Variants in F7 observed in about 807,000 individuals in gnomAD.
The protein encoded by F7 is FVII coagulation protein.
Under a neutral mutation model 47.5 loss-of-function variants are expected in F7, and 38 were observed. That is an observed-to-expected ratio of 0.80 (90% confidence interval 0.62 to 1.05). The LOEUF (loss-of-function observed/expected upper bound fraction) is 1.05. Ranked by LOEUF, F7 falls within the 50% of genes least tolerant of loss-of-function variation. The pLI, the probability that F7 is intolerant of heterozygous loss-of-function variation, is 0.00. For missense variants in F7, 575 were observed against 605.4 expected, an observed-to-expected ratio of 0.95 and a Z score of 0.53; for synonymous variants, 244 against 258.5, an observed-to-expected ratio of 0.94 and a Z score of 0.54.
At position 113,119,335 on chromosome 13, in the gene F7, C is replaced by T. The variant is rs2036259742; in HGVS notation, c.*327C>T. ...GGGAGTGCCAAGGTTGTCCTGGAGGCAGACAGCCCAGCTGAGCCTCCTTAC... is the reference window on the plus strand; with the variant it reads ...GGGAGTGCCAAGGTTGTCCTGGAGGTAGACAGCCCAGCTGAGCCTCCTTAC... On this transcript the variant is annotated 3_prime_UTR_variant, in exon 8 of 8. Coordinates refer to ENST00000346342, the MANE Select transcript of F7 (RefSeq NM_019616.4). The T allele has an allele frequency of 5.4e-6, 2 of 370,456 alleles. No individual in the cohort carries two copies. The highest frequency in any genetic ancestry group is 9.9e-6 in the Non-Finnish European group (2 of 201,722). 22.9% of individuals were successfully genotyped at this position (370,456 alleles called of 1,614,324 possible).
chr13:113,115,908 C>G, intron 5 of F7, 108 bp downstream of exon 5: 1 of 1,477,670 alleles, frequency 6.8e-7, no homozygotes, highest in Non-Finnish European at 9.3e-7. Context: ...CTACTGAGCA[C>G]TAACTATGCA....
At chr13:113,117,106 G>A (rs934770964) in intron 6 of F7, 21 of 637,004 alleles carry the variant, frequency 3.3e-5, no homozygotes, top group Admixed American at 1.5e-4. Context: ...AGAACCCTGC[G>A]AGATGCCCCA....
At position 113,106,779 on chromosome 13, in the gene F7, G is replaced by A. The variant is rs1250573134; in HGVS notation, c.64+874G>A. 3.4e-6 allele frequency: 5 copies of A among 1,492,096 alleles called. No individual in the cohort carries two copies. The African/African-American group carries it at 5.6e-5, about 17-fold the overall frequency. 92.4% of individuals were successfully genotyped at this position (1,492,096 alleles called of 1,614,324 possible). A position where few individuals can be genotyped will look rare whatever the true frequency, so the allele number is the denominator to read the frequency against. On this transcript the variant is annotated intron_variant, in intron 1 of 7. Coordinates refer to ENST00000346342, the MANE Select transcript of F7 (RefSeq NM_019616.4). ...GGGTGGGCTGTGAGGGACAGTGCCT[G>A]GGATGTGGGGCTGCAGCCCTAGCTC...
chr13:113,117,613 C>T lies in F7; in HGVS notation c.739+17C>T, dbSNP rs373671655. On this transcript the variant is annotated intron_variant, in intron 7 of 7. Transcript: ENST00000346342. Reference sequence around the variant, plus strand: ...CGGTGCTGGGTGGGTACCACTCTCCCCTGTCCGACCGCGGTGCTGGGTGGG... The same window carrying T: ...CGGTGCTGGGTGGGTACCACTCTCCTCTGTCCGACCGCGGTGCTGGGTGGG... 2 of 1,510,292 alleles carry T rather than the reference C, an allele frequency of 1.3e-6. No homozygotes were observed. The highest frequency in any genetic ancestry group is 1.8e-6 in the Non-Finnish European group (2 of 1,124,908). The allele number at this position is 1,510,292 out of a possible 1,614,324, so 93.6% of individuals were successfully genotyped here.
intron 1 of F7, among the ~76,000 whole-genome samples, chr13:113,109,449 G>C (rs2036046614): frequency 6.6e-6 from 1 of 152,160 alleles, no homozygotes; most frequent in South Asian, 2.1e-4. Flanking sequence ...GTCGACGTGT[G>C]AAACTGATTT....
rs200316840 is a variant in F7, at chr13:113,118,519, G to A, written c.846G>A (p.Ala282=). 91 of 1,611,650 alleles carry A rather than the reference G, an allele frequency of 5.6e-5. No individual in the cohort carries two copies. The East Asian group carries it at 1.4e-3, about 26-fold the overall frequency. The change falls in exon 8 of 8, where the codon GCG becomes GCA. Residue 282 remains alanine (A), a synonymous_variant. Transcript: ENST00000346342. The part of the protein sequence containing the change: ...YVPGTTNHDI[A]LLRLHQPVVL... ...CGGGCACCACCAACCACGACATCGCGCTGCTCCGCCTGCACCAGCCCGTGG... is the reference window on the plus strand; with the variant it reads ...CGGGCACCACCAACCACGACATCGCACTGCTCCGCCTGCACCAGCCCGTGG...
intron 1 of F7, chr13:113,107,036 C>A: frequency 1.8e-6 from 2 of 1,117,140 alleles, no homozygotes; most frequent in Non-Finnish European, 2.6e-6. Flanking sequence ...GGAGGGTGTT[C>A]CCTGCTCGAG....
intron 1 of F7, among the ~76,000 whole-genome samples, chr13:113,109,672 C>G (rs1186686103): frequency 1.3e-5 from 2 of 152,186 alleles, no homozygotes; most frequent in Non-Finnish European, 2.9e-5. Context: ...CAGAGCCCCT[C>G]CCGCGCGTCC....
At position 113,113,966 on chromosome 13, in the gene F7, G is replaced by T. The variant is rs755667709; in HGVS notation, c.364+6G>T. On this transcript the variant is annotated splice_donor_region_variant and intron_variant, in intron 4 of 7. Coordinates refer to ENST00000346342, the MANE Select transcript of F7 (RefSeq NM_019616.4). The surrounding 1 kb of genome is among the most constrained non-coding windows in gnomAD (Gnocchi z 4.1). ...GGGCCGGAACTGTGAGACGCGTAAG[G>T]CCCCACTTTGGGTCCCATATTTGCA... 1 of 1,613,792 alleles carries T rather than the reference G, an allele frequency of 6.2e-7. No homozygotes were observed. Among genetic ancestry groups the T allele is most frequent in the Non-Finnish European group, 8.5e-7 (1 of 1,180,034 alleles).
chr13:113,118,483 CA>C lies in F7; in HGVS notation c.811del (p.Thr271ArgfsTer73). On this transcript the variant is annotated frameshift_variant, in exon 8 of 8. Coordinates refer to ENST00000346342, the MANE Select transcript of F7 (RefSeq NM_019616.4). LOFTEE classifies it high-confidence loss of function. ...GGGTGGCGCAGGTCATCATCCCCAGCACGTACGTCCCGGGCACCACCAACCA... is the reference window on the plus strand; with the variant it reads ...GGGTGGCGCAGGTCATCATCCCCAGCCGTACGTCCCGGGCACCACCAACCA... ...RRVAQVIIPSTYVPGTTNHDI... is the reference protein window; with the variant it reads ...RRVAQVIIPSXYVPGTTNHDI... 1 of 1,609,660 alleles carries C rather than the reference CA, an allele frequency of 6.2e-7. No individual in the cohort carries two copies. Among genetic ancestry groups the C allele is most frequent in the Non-Finnish European group, 8.5e-7 (1 of 1,179,584 alleles).
Position 113,115,774 on chromosome 13 carries a change from CAG to C in F7, c.481_482del (p.Asp161ArgfsTer9). The C allele has an allele frequency of 6.2e-7, 1 of 1,613,280 alleles. No individual in the cohort carries two copies. Among genetic ancestry groups the C allele is most frequent in the Non-Finnish European group, 8.5e-7 (1 of 1,180,034 alleles). On this transcript the variant is annotated frameshift_variant, in exon 5 of 8. Coordinates refer to ENST00000346342, the MANE Select transcript of F7 (RefSeq NM_019616.4). LOFTEE classifies it high-confidence loss of function. ...TGCCACGAGGGGTACTCTCTGCTGGCAGACGGGGTGTCCTGCACACCCACAGG... is the reference window on the plus strand; with the variant it reads ...TGCCACGAGGGGTACTCTCTGCTGGCACGGGGTGTCCTGCACACCCACAGG...
chr13:113,109,351 G>C (rs889873260), intron 1 of F7, among the ~76,000 whole-genome samples: 1 of 151,980 alleles, frequency 6.6e-6, no homozygotes, highest in Admixed American at 6.5e-5. Context: ...CTCGGAGTCC[G>C]TGAGTTCCCA....
rs753432107 is a variant in F7, at chr13:113,118,976, C to T, written c.1303C>T (p.Pro435Ser). The T allele has an allele frequency of 5.3e-5, 85 of 1,602,670 alleles. No individual in the cohort carries two copies. Among genetic ancestry groups the T allele is most frequent in the Non-Finnish European group, 7.2e-5 (85 of 1,179,954 alleles). The change falls in exon 8 of 8, where the codon CCA becomes TCA. Residue 435 changes from proline (P) to serine (S), a missense_variant. Coordinates refer to ENST00000346342, the MANE Select transcript of F7 (RefSeq NM_019616.4). ...AAAGCTCATGCGCTCAGAGCCACGCCCAGGAGTCCTCCTGCGAGCCCCATT... is the reference window on the plus strand; with the variant it reads ...AAAGCTCATGCGCTCAGAGCCACGCTCAGGAGTCCTCCTGCGAGCCCCATT... ...LQKLMRSEPR[P>S]GVLLRAPFP
intron 6 of F7, chr13:113,117,123 T>A (rs1401046950): frequency 4.8e-6 from 3 of 621,282 alleles, no homozygotes; most frequent in Non-Finnish European, 8.6e-6. Context: ...CCCATCCGAG[T>A]TGTCACGTCG....
rs895671158 is a variant in F7, at chr13:113,118,618, C to T, written c.945C>T (p.Arg315=). ...CTGAGAGGACGCTGGCCTTCGTGCG[C>T]TTCTCATTGGTCAGCGGCTGGGGCC... is the stretch of plus-strand genomic sequence containing the variant. ...TFSERTLAFV[R]FSLVSGWGQL... is the part of the protein sequence containing the mutation. The change falls in exon 8 of 8, where the codon CGC becomes CGT. Residue 315 remains arginine (R), a synonymous_variant. Coordinates refer to ENST00000346342, the MANE Select transcript of F7 (RefSeq NM_019616.4). 6 of 1,612,978 alleles carry T rather than the reference C, an allele frequency of 3.7e-6. No individual in the cohort carries two copies. In the East Asian group the frequency reaches 8.9e-5, roughly 24 times the overall value.
chr13:113,108,810 T>A (rs111826401), intron 1 of F7, among the ~76,000 whole-genome samples: 8 of 55,072 alleles, frequency 1.5e-4, no homozygotes, highest in East Asian at 1.0e-3. Context: ...CCCGGGGGCG[T>A]GGGTGTCCCG....
chr13:113,115,107 G>A (rs372354624), intron 4 of F7, among the ~76,000 whole-genome samples: 4 of 152,332 alleles, frequency 2.6e-5, no homozygotes, highest in South Asian at 2.1e-4. Context: ...CCGGAGTCCT[G>A]GACTTGCTCA....
chr13:113,111,675 CCT>C (rs1188972477), intron 2 of F7, among the ~76,000 whole-genome samples: 15 of 99,404 alleles, frequency 1.5e-4, no homozygotes, highest in Admixed American at 1.9e-4. Flanking sequence ...ACACAAGACA[CCT>C]CACACGGGGC....
In F7 at chr13:113,110,840, C is replaced by G; in HGVS notation, c.215C>G (p.Ala72Gly). 6.4e-7 allele frequency: 1 copy of G among 1,560,086 alleles called. No homozygotes were observed. The highest frequency in any genetic ancestry group is 8.7e-7 in the Non-Finnish European group (1 of 1,152,830). Residue 72 changes from alanine (A) to glycine (G), a missense_variant, in exon 2 of 8, where the codon GCG becomes GGG. Coordinates refer to ENST00000346342, the MANE Select transcript of F7 (RefSeq NM_019616.4). ...FEEAREIFKD[A>G]ERTKLFWISY... ...GAGGCCCGGGAGATCTTCAAGGACG[C>G]GGAGAGGACGGTGAGCCCAGCCTCG... is the stretch of plus-strand genomic sequence containing the variant.
Sources: allele counts gnomAD v4.1 joint callset (sites outside exome capture counted in the v4.1 genomes callset), GRCh38; gene constraint gnomAD v4.1.1; non-coding constraint Gnocchi (gnomAD v3.1); transcripts MANE v1.5; gene names NCBI Gene and HGNC (gene_info 2026-07-23, HGNC 2026-07-21).